Variants in UBE2Z observed in about 807,000 individuals in gnomAD.
UBE2Z encodes the protein ubiquitin conjugating enzyme E2 Z, also known as ubiquitin-conjugating enzyme E2 Z.
Under a neutral mutation model 32.6 loss-of-function variants are expected in UBE2Z, and 10 were observed. The ratio of observed to expected loss-of-function variants is 0.31; its 90% confidence interval spans 0.19 to 0.52. The LOEUF (loss-of-function observed/expected upper bound fraction) is 0.52, where lower values mean the gene tolerates loss of function less well. Ranked by LOEUF, UBE2Z falls within the 20% of genes least tolerant of loss-of-function variation. The pLI, the probability that UBE2Z is intolerant of heterozygous loss-of-function variation, is 0.97. For synonymous variants in UBE2Z, 183 were observed against 190.8 expected (o/e 0.96, Z 0.34); for missense variants, 343 against 480.9 (o/e 0.71, Z 2.68).
In UBE2Z at chr17:48,927,213, CTG is replaced by C; in HGVS notation, c.*83_*84del. On this transcript the variant is annotated 3_prime_UTR_variant, in exon 7 of 7. Transcript: ENST00000360943. ...CCCCCACCCCAGGGATGGAGAGGCACTGTGTATCTCCCTCCAGACTCGAAGTC... is the reference window on the plus strand; with the variant it reads ...CCCCCACCCCAGGGATGGAGAGGCACTGTATCTCCCTCCAGACTCGAAGTC... 7.0e-7 allele frequency: 1 copy of C among 1,434,328 alleles called. No individual in the cohort carries two copies. Among genetic ancestry groups the C allele is most frequent in the Non-Finnish European group, 9.6e-7 (1 of 1,044,530 alleles). 88.9% of individuals were successfully genotyped at this position (1,434,328 alleles called of 1,614,324 possible). A position where few individuals can be genotyped will look rare whatever the true frequency, so the allele number is the denominator to read the frequency against.
At chr17:48,922,011 C>G (rs60708039) in intron 5 of UBE2Z, among the ~76,000 whole-genome samples, 62,575 of 151,902 alleles carry the variant, frequency 0.41, 15,403 homozygotes, top group East Asian at 0.71. Flanking sequence ...CTGGGTAACA[C>G]AGCAAGACCC....
At chr17:48,914,692 C>G (rs2040707212) in intron 3 of UBE2Z, among the ~76,000 whole-genome samples, 1 of 152,174 alleles carries the variant, frequency 6.6e-6, no homozygotes, top group Non-Finnish European at 1.5e-5. Flanking sequence ...AAAGGAGAAG[C>G]TGCCCTGAAA....
chr17:48,910,251 C>G (rs2040666539), intron 1 of UBE2Z: 1 of 153,338 alleles, frequency 6.5e-6, no homozygotes, highest in Non-Finnish European at 1.5e-5. Context: ...CCTCCCCAGC[C>G]TGAAGAGATC....
chr17:48,911,071 T>C, intron 2 of UBE2Z, 191 bp downstream of exon 2: 2 of 599,182 alleles, frequency 3.3e-6, no homozygotes, highest in East Asian at 5.6e-5. Context: ...TGTCTGTTAT[T>C]AGTGTACCCC....
At chr17:48,925,222 T>C (rs2143777538) in intron 6 of UBE2Z, among the ~76,000 whole-genome samples, 1 of 151,002 alleles carries the variant, frequency 6.6e-6, no homozygotes, top group East Asian at 2.0e-4. Context: ...GAGGTGAAGG[T>C]TGCAGTGACC....
At position 48,922,904 on chromosome 17, in the gene UBE2Z, A is replaced by G. The variant is rs1485796042; in HGVS notation, c.861A>G (p.Lys287=). 2.5e-6 allele frequency: 4 copies of G among 1,612,898 alleles called. No individual in the cohort carries two copies. The highest frequency in any genetic ancestry group is 1.7e-5 in the Admixed American group (1 of 59,976). The change falls in exon 6 of 7, where the codon AAA becomes AAG. Residue 287 remains lysine, a synonymous_variant. Transcript: ENST00000360943. ...ACGACTTCTACGAGGTGGCCTGCAA[A>G]GATCGCCTGCACCTTCAAGGCCAAA... ...EYYDFYEVAC[K]DRLHLQGQTM...
chr17:48,912,590 G>T, intron 2 of UBE2Z: 1 of 471,520 alleles, frequency 2.1e-6, no homozygotes. Flanking sequence ...TTTCGCCTTG[G>T]GCTCTAACTT....
intron 5 of UBE2Z, 112 bp downstream of exon 5, chr17:48,921,384 T>G: frequency 1.3e-6 from 1 of 799,114 alleles, no homozygotes. Flanking sequence ...GAAGGAAAGA[T>G]GTGGTTCCTG....
chr17:48,922,260 A>G (rs1050755978), intron 5 of UBE2Z, among the ~76,000 whole-genome samples: 3 of 151,856 alleles, frequency 2.0e-5, no homozygotes, highest in Admixed American at 1.3e-4. Flanking sequence ...GGTGGCACGC[A>G]CCTGTAATCC....
At chr17:48,920,289 G>A (rs776440374) in intron 4 of UBE2Z, among the ~76,000 whole-genome samples, 47 of 151,906 alleles carry the variant, frequency 3.1e-4, no homozygotes, top group African/African-American at 6.8e-4. Flanking sequence ...GAGGTCAGGC[G>A]TTCAGGACCA....
At chr17:48,923,863 G>C (rs1411312250) in intron 6 of UBE2Z, among the ~76,000 whole-genome samples, 1 of 152,022 alleles carries the variant, frequency 6.6e-6, no homozygotes, top group Non-Finnish European at 1.5e-5. Flanking sequence ...CTCCCAAGCT[G>C]GGACTTACAG....
intron 3 of UBE2Z, 168 bp from the exon 4 acceptor site, chr17:48,915,908 T>G: frequency 3.0e-6 from 1 of 329,866 alleles, no homozygotes. Context: ...GACTGATTTC[T>G]GGTGAAATCA....
At chr17:48,913,245 A>C (rs562973950) in intron 3 of UBE2Z, among the ~76,000 whole-genome samples, 1 of 152,156 alleles carries the variant, frequency 6.6e-6, no homozygotes, top group Admixed American at 6.6e-5. Flanking sequence ...TTCTCTTAAG[A>C]GTGTGGCCCT....
rs910201560 is a variant in UBE2Z at position 48,928,804 on chromosome 17, C to G, written c.*1670C>G. The G allele has an allele frequency of 2.0e-5, 3 of 152,680 alleles. No individual in the cohort carries two copies. The highest frequency in any genetic ancestry group is 2.0e-4 in the Admixed American group (3 of 15,284). The allele number at this position is 152,680 out of a possible 1,614,324, so 9.5% of individuals were successfully genotyped here. A position where few individuals can be genotyped will look rare whatever the true frequency, so the allele number is the denominator to read the frequency against. ...CTACTCCAGGGCTTAGAAGAATGCT[C>G]TTGGTCTGTGGGTCCAGTGTTGTCT... On this transcript the variant is annotated 3_prime_UTR_variant, in exon 7 of 7. Transcript: ENST00000360943.
chr17:48,917,729 A>G (rs2040730608), intron 4 of UBE2Z, among the ~76,000 whole-genome samples: 1 of 152,108 alleles, frequency 6.6e-6, no homozygotes, highest in Admixed American at 6.6e-5. Flanking sequence ...GGTTATTCCC[A>G]TTTTCAAGTG....
At chr17:48,918,281 AT>A (rs2040734486) in intron 4 of UBE2Z, among the ~76,000 whole-genome samples, 1 of 152,118 alleles carries the variant, frequency 6.6e-6, no homozygotes, top group Non-Finnish European at 1.5e-5. Context: ...ACCAACTTTG[AT>A]TCTTCCTCTA....
intron 4 of UBE2Z, among the ~76,000 whole-genome samples, chr17:48,917,035 G>A (rs902223164): frequency 3.5e-5 from 5 of 141,718 alleles, no homozygotes; most frequent in Admixed American, 1.4e-4. Context: ...GGCCAGGCGC[G>A]GTGGCTCACA....
chr17:48,916,267 T>TTTTTTTTTG lies in UBE2Z; in HGVS notation c.690+86_690+87insTTGTTTTTT, dbSNP rs1284511234. On this transcript the variant is annotated intron_variant, in intron 4 of 6. Coordinates refer to ENST00000360943, the MANE Select transcript of UBE2Z (RefSeq NM_023079.5). The stretch of plus-strand genomic sequence containing the variant: ...GTTGGTTGGTTTTTTTGTTTTTTTT[T>TTTTTTTTTG]TTTTTTGAGACAGAGTCTTCCTCTG... The TTTTTTTTTG allele has an allele frequency of 1.3e-4, 85 of 677,016 alleles. 1 individual carries two copies. Among genetic ancestry groups the TTTTTTTTTG allele is most frequent in the Non-Finnish European group, 1.2e-4 (55 of 454,446 alleles). The allele number at this position is 677,016 out of a possible 1,614,324, so 41.9% of individuals were successfully genotyped here.
At position 48,908,666 on chromosome 17, in the gene UBE2Z, G is replaced by GCCGGGGGC; in HGVS notation, c.170_177dup (p.Ser60AlafsTer72). On this transcript the variant is annotated frameshift_variant, in exon 1 of 7. Transcript: ENST00000360943. LOFTEE classifies it high-confidence loss of function. ...GGCGGCGGCGGCGGCAGCGGGCGGG[G>GCCGGGGGC]CCGGGGGCCCGGGGAGCGGCCTGGC... is the stretch of plus-strand genomic sequence containing the variant. 8.2e-7 allele frequency: 1 copy of GCCGGGGGC among 1,224,232 alleles called. No individual in the cohort carries two copies. The highest frequency in any genetic ancestry group is 1.0e-6 in the Non-Finnish European group (1 of 982,572). The allele number at this position is 1,224,232 out of a possible 1,614,324, so 75.8% of individuals were successfully genotyped here.
Sources: gnomAD v4.1 joint callset for allele counts (sites outside exome capture counted in the v4.1 genomes callset) on GRCh38, gnomAD v4.1.1 for gene constraint, MANE v1.5 for transcripts, NCBI Gene and HGNC (gene_info 2026-07-23, HGNC 2026-07-21) for gene names.